The following KCTD1 variants were observed in gnomAD, a reference collection of about 807,000 sequenced individuals.
KCTD1 encodes potassium channel tetramerization domain containing 1.
In KCTD1, 24 loss-of-function variants were observed where a neutral mutation model predicts 66.0. The ratio of observed to expected loss-of-function variants is 0.36; its 90% CI spans 0.26 to 0.51. The LOEUF is 0.51. KCTD1 is among the 20% of genes least tolerant of loss of function. KCTD1 has a pLI of 0.95. For missense variants in KCTD1, 943 were observed against 1,205.2 expected, an observed-to-expected ratio of 0.78 and a Z score of 3.22; for synonymous variants, 511 against 517.2, an observed-to-expected ratio of 0.99 and a Z score of 0.16.
intron 1 of KCTD1, among the ~76,000 whole-genome samples, chr18:26,541,779 C>A (rs2144813629): frequency 6.6e-6 from 1 of 151,842 alleles, no homozygotes; most frequent in African/African-American, 2.4e-5. Flanking sequence ...TCAACCCATA[C>A]CCTTTGCTGT....
intron 1 of KCTD1, among the ~76,000 whole-genome samples, chr18:26,561,480 G>A (rs980177535): frequency 6.6e-6 from 1 of 152,226 alleles, no homozygotes; most frequent in African/African-American, 2.4e-5. Context: ...GTAGATATAT[G>A]TTCTGGGTCT....
intron 1 of KCTD1, among the ~76,000 whole-genome samples, chr18:26,604,527 T>C (rs1182520029): frequency 1.3e-5 from 2 of 152,126 alleles, no homozygotes; most frequent in African/African-American, 2.4e-5. Flanking sequence ...ATAAAGAAAA[T>C]GTGGTACATA....
In KCTD1 at chr18:26,656,595, C is replaced by A. The variant is rs538589715; in HGVS notation, c.9+765G>T. ...GGCCCACAAAGGGGAGCGGCGTGGT[C>A]CGGCCCGGGCAAAAGGGGGAAGGAA... On this transcript the variant is annotated intron_variant, in intron 1 of 4. Coordinates refer to the KCTD1 transcript ENST00000580191. Among the ~76,000 whole-genome samples, 820 of 150,928 alleles carry A rather than the reference C, an allele frequency of 5.4e-3. 7 individuals carry two copies. Among genetic ancestry groups the A allele is most frequent in the African/African-American group, 0.019 (777 of 41,172 alleles).
intron 1 of KCTD1, among the ~76,000 whole-genome samples, chr18:26,512,693 T>G (rs535101905): frequency 1.2e-4 from 18 of 152,128 alleles, no homozygotes; most frequent in African/African-American, 4.3e-4. Flanking sequence ...TAAATAAAAA[T>G]TTTTTGGCCG....
At chr18:26,549,405 G>A (rs373553381), upstream of KCTD1, 347 of 985,534 alleles carry the variant, frequency 3.5e-4, 4 homozygotes, top group African/African-American at 5.5e-3. Flanking sequence ...GGCGCTCCCC[G>A]TAGGTCTGGG....
intron 1 of KCTD1, chr18:26,581,551 C>T (rs1986354390): frequency 6.6e-6 from 1 of 152,250 alleles, no homozygotes; most frequent in Admixed American, 6.5e-5. Flanking sequence ...AGCCACCATG[C>T]CTGGCCTTTG....
chr18:26,531,958 T>C (rs1350227732), intron 1 of KCTD1, among the ~76,000 whole-genome samples: 4 of 152,226 alleles, frequency 2.6e-5, no homozygotes, highest in Non-Finnish European at 5.9e-5. Flanking sequence ...TTAGCTGCTT[T>C]CTTTTATAAG....
chr18:26,484,782 G>A (rs1266368689), intron 2 of KCTD1, among the ~76,000 whole-genome samples: 4 of 152,210 alleles, frequency 2.6e-5, no homozygotes, highest in African/African-American at 9.7e-5. Flanking sequence ...TAGGCAGGCA[G>A]GGAAGGCCTC....
intron 1 of KCTD1, among the ~76,000 whole-genome samples, chr18:26,501,746 A>C (rs571578708): frequency 2.0e-5 from 3 of 152,376 alleles, no homozygotes; most frequent in African/African-American, 7.2e-5. Context: ...TTCATTTTTC[A>C]AATCAGGAAA....
upstream of KCTD1, among the ~76,000 whole-genome samples, chr18:26,550,903 G>A (rs1985539956): frequency 6.6e-6 from 1 of 152,226 alleles, no homozygotes; most frequent in South Asian, 2.1e-4. The surrounding 1 kb of genome is among the most constrained non-coding windows in gnomAD (Gnocchi z 5.4). Flanking sequence ...ACTCAGGTGG[G>A]TGCCCGGCAA....
intron 2 of KCTD1, among the ~76,000 whole-genome samples, chr18:26,486,312 C>T (rs4614811): frequency 0.48 from 72,772 of 152,114 alleles, 19,699 homozygotes; most frequent in East Asian, 0.83. Flanking sequence ...TTCTGAGCTA[C>T]GCAGTCTATT....
At chr18:26,581,101 T>C (rs1038007928) in intron 1 of KCTD1, 15 of 152,198 alleles carry the variant, frequency 9.9e-5, no homozygotes, top group African/African-American at 3.6e-4. Context: ...ACTATACAAA[T>C]ATGAAAAAGA....
chr18:26,520,547 A>G (rs143173358), intron 1 of KCTD1, among the ~76,000 whole-genome samples: 1 of 152,232 alleles, frequency 6.6e-6, no homozygotes. Context: ...ATGTCGACAC[A>G]TGCTAATTGA....
chr18:26,495,295 A>C (rs1982411269), intron 2 of KCTD1, among the ~76,000 whole-genome samples: 1 of 152,230 alleles, frequency 6.6e-6, no homozygotes, highest in Admixed American at 6.5e-5. Flanking sequence ...AGTTACAAGG[A>C]AAGCCAAATT....
At chr18:26,563,840 C>T (rs749243118) in intron 1 of KCTD1, among the ~76,000 whole-genome samples, 6 of 152,142 alleles carry the variant, frequency 3.9e-5, no homozygotes, top group Non-Finnish European at 7.4e-5. Flanking sequence ...CATGATCTTG[C>T]CTTGGTAGTG....
At chr18:26,599,340 C>T in intron 1 of KCTD1, 1 of 1,454,230 alleles carries the variant, frequency 6.9e-7, no homozygotes, top group African/African-American at 1.4e-5. Flanking sequence ...GGGAGCGAGC[C>T]CAGGTGGCAG....
upstream of KCTD1, among the ~76,000 whole-genome samples, chr18:26,640,696 TGAG>T (rs1289581211): frequency 5.3e-5 from 8 of 151,886 alleles, no homozygotes; most frequent in African/African-American, 1.7e-4. Context: ...AGGAGGAAGG[TGAG>T]GAGTTTACTT....
At chr18:26,471,305 T>C (rs1981049056) in intron 3 of KCTD1, among the ~76,000 whole-genome samples, 1 of 151,968 alleles carries the variant, frequency 6.6e-6, no homozygotes, top group Non-Finnish European at 1.5e-5. Flanking sequence ...CGATGTATTC[T>C]GCTTGTAGCG....
intron 1 of KCTD1, among the ~76,000 whole-genome samples, chr18:26,562,214 C>T (rs1175466650): frequency 6.6e-6 from 1 of 152,076 alleles, no homozygotes; most frequent in Non-Finnish European, 1.5e-5. Context: ...TCCACTGAAG[C>T]ACCAAGCCCT....
Sources: allele counts gnomAD v4.1 joint callset (sites outside exome capture counted in the v4.1 genomes callset), GRCh38; gene constraint gnomAD v4.1.1; non-coding constraint Gnocchi (gnomAD v3.1); transcripts MANE v1.5; gene names NCBI Gene and HGNC (gene_info 2026-07-23, HGNC 2026-07-21).